APBB1IP: variants seen among roughly 807,000 people sequenced by gnomAD.
APBB1IP encodes the protein amyloid beta A4 precursor protein-binding family B member 1-interacting protein.
APBB1IP carries 27 observed loss-of-function variants against 64.9 expected under a neutral mutation model. The ratio of observed to expected loss-of-function variants is 0.42; its 90% CI spans 0.31 to 0.57. APBB1IP has a LOEUF of 0.57. APBB1IP is among the 20% of genes least tolerant of loss of function. The pLI, the probability that APBB1IP is intolerant of heterozygous loss-of-function variation, is 0.20. For missense variants in APBB1IP, 812 were observed against 845.5 expected (o/e 0.96, Z 0.49); for synonymous variants, 392 against 331.0 (o/e 1.18, Z -2.00).
chr10:26,467,119 T>A (rs1357712205), intron 2 of APBB1IP, among the ~76,000 whole-genome samples: 2 of 152,162 alleles, frequency 1.3e-5, no homozygotes, highest in Non-Finnish European at 2.9e-5. Context: ...TTGGCCAGGC[T>A]GGTCTCGAAC....
chr10:26,507,614 TCA>T (rs1836199269), intron 6 of APBB1IP, among the ~76,000 whole-genome samples: 1 of 152,252 alleles, frequency 6.6e-6, no homozygotes, highest in African/African-American at 2.4e-5. Context: ...GTAGAATTGA[TCA>T]CACATGGTTG....
chr10:26,548,390 A>C (rs934812545), intron 11 of APBB1IP, among the ~76,000 whole-genome samples: 3 of 130,116 alleles, frequency 2.3e-5, no homozygotes, highest in Non-Finnish European at 4.6e-5. Flanking sequence ...TCCTGTGTCC[A>C]TGTGTTCTCA....
intron 2 of APBB1IP, among the ~76,000 whole-genome samples, chr10:26,492,099 C>G (rs1835962584): frequency 6.6e-6 from 1 of 152,108 alleles, no homozygotes; most frequent in Non-Finnish European, 1.5e-5. Flanking sequence ...AAAAATTCAA[C>G]TGTGGCTCTG....
At chr10:26,447,374 CAAAAAAAA>C (rs55948326) in intron 2 of APBB1IP, among the ~76,000 whole-genome samples, 1 of 55,028 alleles carries the variant, frequency 1.8e-5, no homozygotes, top group African/African-American at 7.4e-5. Flanking sequence ...GACTCCGTCT[CAAAAAAAA>C]AAAAAAAAAA....
intron 11 of APBB1IP, among the ~76,000 whole-genome samples, chr10:26,559,124 A>G (rs1039889494): frequency 9.9e-5 from 15 of 152,222 alleles, no homozygotes; most frequent in African/African-American, 3.6e-4. Context: ...TAATTCTATG[A>G]CATAAGAATT....
chr10:26,544,032 G>C (rs1316908737), intron 11 of APBB1IP, among the ~76,000 whole-genome samples: 1 of 152,186 alleles, frequency 6.6e-6, no homozygotes, highest in Non-Finnish European at 1.5e-5. Context: ...TGTGTGCAGA[G>C]AGACTCCCCA....
intron 14 of APBB1IP, among the ~76,000 whole-genome samples, chr10:26,564,278 T>C (rs977256749): frequency 6.6e-6 from 1 of 151,622 alleles, no homozygotes; most frequent in Non-Finnish European, 1.5e-5. Context: ...TTTCATTATA[T>C]AAATTATTAT....
chr10:26,476,573 A>G (rs554696173), intron 2 of APBB1IP, among the ~76,000 whole-genome samples: 10 of 152,060 alleles, frequency 6.6e-5, no homozygotes, highest in Non-Finnish European at 1.5e-4. Flanking sequence ...AGATTCACTC[A>G]TTATTTACAT....
At position 26,516,543 on chromosome 10, in the gene APBB1IP, C is replaced by CAAAAAAAAAAAAAAAAAAAAAAAAAA. The variant is rs71401901; in HGVS notation, c.813+2901_813+2902insAAAAAAAAAAAAAAAAAAAAAAAAAA. 3.2e-4 allele frequency among the ~76,000 whole-genome samples: 15 copies of CAAAAAAAAAAAAAAAAAAAAAAAAAA among 47,200 alleles called. 2 individuals carry two copies. The highest frequency in any genetic ancestry group is 2.6e-3 in the East Asian group (2 of 782). 31.0% of individuals were successfully genotyped at this position (47,200 alleles called of 152,430 possible). Reference sequence around the variant, plus strand: ...TGGGTGACAGAGCAAGACTCCATCTCAAAAAAAAAAAAAAAAAAGTAAAGC... The same window carrying CAAAAAAAAAAAAAAAAAAAAAAAAAA: ...TGGGTGACAGAGCAAGACTCCATCTCAAAAAAAAAAAAAAAAAAAAAAAAAAAAAAAAAAAAAAAAAAAAGTAAAGC... On this transcript the variant is annotated intron_variant, in intron 8 of 14. Transcript: ENST00000376236.
chr10:26,505,324 G>A (rs1374048254), intron 6 of APBB1IP, among the ~76,000 whole-genome samples: 6 of 152,004 alleles, frequency 3.9e-5, no homozygotes, highest in African/African-American at 7.2e-5. Flanking sequence ...CATTCCAAAC[G>A]TGCCCAAATT....
intron 11 of APBB1IP, among the ~76,000 whole-genome samples, chr10:26,550,050 AT>A (rs1000501998): frequency 6.7e-6 from 1 of 150,020 alleles, no homozygotes; most frequent in African/African-American, 2.5e-5. Flanking sequence ...CTTTTTTTTA[AT>A]CTTTCATCAC....
intron 2 of APBB1IP, among the ~76,000 whole-genome samples, chr10:26,452,942 T>A (rs560111579): frequency 6.6e-6 from 1 of 152,338 alleles, no homozygotes; most frequent in Non-Finnish European, 1.5e-5. Flanking sequence ...ACTCCTACTA[T>A]TCTTTTTAAT....
Position 26,511,803 on chromosome 10 carries a change from G to C in APBB1IP, c.588G>C (p.Glu196Asp), listed in dbSNP as rs749595022. 1 of 1,614,212 alleles carries C rather than the reference G, an allele frequency of 6.2e-7. No homozygotes were observed. The highest frequency in any genetic ancestry group is 8.5e-7 in the Non-Finnish European group (1 of 1,180,040). The change falls in exon 7 of 15, where the codon GAG becomes GAC. Residue 196 changes from glutamate (E) to aspartate (D), a missense_variant. Coordinates refer to ENST00000376236, the MANE Select transcript of APBB1IP (RefSeq NM_019043.4). ...DNSTKSLMVD[E>D]RQLARDVLDN... ...GCACAAAGTCACTGATGGTGGATGA[G>C]CGGCAGCTGGCCCGAGATGTTCTGG...
In APBB1IP at chr10:26,502,221, A is replaced by T. The variant is rs192343379; in HGVS notation, c.454-976A>T. Among the ~76,000 whole-genome samples the T allele has an allele frequency of 3.6e-3, 556 of 152,382 alleles. 3 individuals carry two copies. Among genetic ancestry groups the T allele is most frequent in the Middle Eastern group, 0.014 (4 of 294 alleles). ...AACAGCTCATTTCCTCAACATTATA[A>T]ATAGAAGAGATACTTAACTTGCAAA... On this transcript the variant is annotated intron_variant, in intron 5 of 14. Transcript: ENST00000376236.
In APBB1IP at chr10:26,558,293, G is replaced by A. The variant is rs562095912; in HGVS notation, c.1156-1812G>A. Among the ~76,000 whole-genome samples the A allele has an allele frequency of 1.4e-4, 21 of 152,144 alleles. 1 individual carries two copies. Among genetic ancestry groups the A allele is most frequent in the Admixed American group, 1.3e-3 (20 of 15,280 alleles). On this transcript the variant is annotated intron_variant, in intron 11 of 14. Coordinates refer to ENST00000376236, the MANE Select transcript of APBB1IP (RefSeq NM_019043.4). The stretch of plus-strand genomic sequence containing the variant: ...ACCTATGTTTGGTTGCCGGCCCCTC[G>A]CCTGATGACGGTGATTTCTAACTGA...
chr10:26,510,797 T>G (rs940503815), intron 6 of APBB1IP, among the ~76,000 whole-genome samples: 4 of 151,148 alleles, frequency 2.6e-5, no homozygotes, highest in Non-Finnish European at 5.9e-5. Flanking sequence ...AGATTTATCA[T>G]GTGCCTGCAA....
At chr10:26,553,705 G>A (rs1196982738) in intron 11 of APBB1IP, among the ~76,000 whole-genome samples, 2 of 152,110 alleles carry the variant, frequency 1.3e-5, no homozygotes, top group South Asian at 2.1e-4. Context: ...TCAGACTTGG[G>A]GGTACATCGG....
chr10:26,566,182 G>A (rs989612172), intron 14 of APBB1IP, among the ~76,000 whole-genome samples: 6 of 152,184 alleles, frequency 3.9e-5, no homozygotes, highest in Admixed American at 3.9e-4. Flanking sequence ...TACTCAGGAG[G>A]CTGAGGCAGG....
chr10:26,467,020 G>C (rs1270242224), intron 2 of APBB1IP, among the ~76,000 whole-genome samples: 1 of 151,950 alleles, frequency 6.6e-6, no homozygotes, highest in African/African-American at 2.4e-5. Flanking sequence ...CTTAACACCA[G>C]ATTTTTTTTC....
Sources: gnomAD v4.1 joint callset for allele counts (sites outside exome capture counted in the v4.1 genomes callset) on GRCh38, gnomAD v4.1.1 for gene constraint, MANE v1.5 for transcripts, NCBI Gene and HGNC (gene_info 2026-07-23, HGNC 2026-07-21) for gene names.